The following DNAH8 variants were observed in gnomAD, a reference collection of about 807,000 sequenced individuals.
DNAH8 encodes dynein axonemal heavy chain 8.
In DNAH8, 382 loss-of-function variants were observed where a neutral mutation model predicts 562.1. That is an observed-to-expected ratio of 0.68 (90% CI 0.63 to 0.74). The LOEUF (loss-of-function observed/expected upper bound fraction) is 0.74, where lower values mean the gene tolerates loss of function less well. Among genes scored for constraint, DNAH8 ranks in the 30% least tolerant of loss-of-function variants. DNAH8 has a pLI of 0.00. For missense variants in DNAH8, 5,203 were observed against 5,620.4 expected, an observed-to-expected ratio of 0.93 and a Z score of 2.37; for synonymous variants, 1,881 against 1,919.4, an observed-to-expected ratio of 0.98 and a Z score of 0.52.
Position 38,893,722 on chromosome 6 carries a change from C to G in DNAH8, c.8584-979C>G, listed in dbSNP as rs1157167388. 2.0e-5 allele frequency among the ~76,000 whole-genome samples: 3 copies of G among 152,192 alleles called. No homozygotes were observed. In the East Asian group the frequency reaches 5.8e-4, roughly 29 times the overall value. Reference sequence around the variant, plus strand: ...GTTTTAAATAGCACTGTGAATTAGCCTGTAAAAATTACAAACTCAATAGGG... The same window carrying G: ...GTTTTAAATAGCACTGTGAATTAGCGTGTAAAAATTACAAACTCAATAGGG... On this transcript the variant is annotated intron_variant, in intron 58 of 92. Transcript: ENST00000327475.
chr6:38,832,213 C>T (rs929039327), intron 30 of DNAH8, 109 bp from the exon 31 acceptor site: 6 of 661,270 alleles, frequency 9.1e-6, no homozygotes, highest in African/African-American at 3.7e-5. Context: ...ACAGAGACTT[C>T]CTTGTTCATA....
At chr6:38,826,062 A>G (rs929233166) in intron 28 of DNAH8, 94 bp from the exon 29 acceptor site, 2 of 743,490 alleles carry the variant, frequency 2.7e-6, no homozygotes, top group African/African-American at 3.6e-5. Context: ...ACATGTGGTT[A>G]GTGACTACTG....
chr6:38,976,156 TAA>T (rs1325105200), intron 85 of DNAH8, among the ~76,000 whole-genome samples: 1 of 152,228 alleles, frequency 6.6e-6, no homozygotes, highest in Non-Finnish European at 1.5e-5. Context: ...AACACTTCAC[TAA>T]GAGTCAGGAG....
chr6:38,728,167 C>T (rs1172749656), intron 3 of DNAH8, among the ~76,000 whole-genome samples: 1 of 151,998 alleles, frequency 6.6e-6, no homozygotes, highest in African/African-American at 2.4e-5. Flanking sequence ...GAGATTTCGC[C>T]ATGTTTCTCA....
intron 88 of DNAH8, among the ~76,000 whole-genome samples, chr6:38,992,917 A>G (rs866400225): frequency 2.6e-5 from 4 of 152,144 alleles, no homozygotes; most frequent in African/African-American, 7.2e-5. Context: ...AGATCCAACA[A>G]TTGTTCATGT....
Position 38,828,235 on chromosome 6 carries a change from T to C in DNAH8, c.4135T>C (p.Ser1379Pro). ...RFEVEVTKEE[S>P]EAVDTLRYSF... is the part of the protein sequence containing the mutation. Reference sequence around the variant, plus strand: ...TGAAGTTGAAGTAACCAAAGAAGAATCAGAAGCAGTTGATACCTTAAGATA... The same window carrying C: ...TGAAGTTGAAGTAACCAAAGAAGAACCAGAAGCAGTTGATACCTTAAGATA... Residue 1379 changes from serine to proline, a missense_variant, in exon 30 of 93, where the codon TCA (serine) becomes CCA (proline). Physicochemically the swap from Ser to Pro is moderately conservative, Grantham distance 74 (BLOSUM62 -1). This residue lies in a region of DNAH8 where 2,176 missense variants were observed against 2,365.1 expected (regional missense o/e 0.92). Transcript: ENST00000327475. The C allele has an allele frequency of 1.3e-6, 2 of 1,596,274 alleles. No individual in the cohort carries two copies. The highest frequency in any genetic ancestry group is 1.7e-6 in the Non-Finnish European group (2 of 1,172,970).
chr6:39,023,469 G>A (rs148996452), intron 91 of DNAH8, among the ~76,000 whole-genome samples: 1,796 of 152,154 alleles, frequency 0.012, 31 homozygotes, highest in African/African-American at 0.04. Context: ...CTCCAGCCTG[G>A]GCGACAGAGC....
At chr6:38,888,498 AT>A (rs146603158) in intron 57 of DNAH8, among the ~76,000 whole-genome samples, 1 of 152,312 alleles carries the variant, frequency 6.6e-6, no homozygotes, top group East Asian at 1.9e-4. Flanking sequence ...AACAACAAAA[AT>A]GTCATATTCT....
intron 17 of DNAH8, among the ~76,000 whole-genome samples, chr6:38,786,404 T>C (rs985590819): frequency 2.0e-5 from 3 of 152,184 alleles, no homozygotes; most frequent in African/African-American, 7.2e-5. Flanking sequence ...GCATCTTTTG[T>C]GATTCTAACC....
At chr6:38,917,618 G>A (rs1781408357) in intron 69 of DNAH8, among the ~76,000 whole-genome samples, 1 of 152,210 alleles carries the variant, frequency 6.6e-6, no homozygotes, top group African/African-American at 2.4e-5. Flanking sequence ...CCGGTGGCTA[G>A]TATTGGCACA....
At chr6:38,767,221 G>A (rs982607431) in intron 11 of DNAH8, among the ~76,000 whole-genome samples, 1 of 152,160 alleles carries the variant, frequency 6.6e-6, no homozygotes, top group African/African-American at 2.4e-5. Flanking sequence ...CAGATCACCT[G>A]AGGTTAGGAG....
chr6:38,937,891 GTTTT>G, intron 77 of DNAH8, 79 bp from the exon 78 acceptor site: 1 of 1,203,210 alleles, frequency 8.3e-7, no homozygotes, highest in African/African-American at 1.6e-5. Flanking sequence ...AGCTAACAGC[GTTTT>G]TTTTTTTTCA....
chr6:38,957,866 C>CAAAAAAAAAAA (rs1209427701), intron 82 of DNAH8, among the ~76,000 whole-genome samples: 2 of 75,906 alleles, frequency 2.6e-5, no homozygotes, highest in Non-Finnish European at 4.9e-5. Flanking sequence ...ATGCCTACAC[C>CAAAAAAAAAAA]AAAAAAAAAA....
At chr6:38,990,391 A>G (rs1354272428) in intron 88 of DNAH8, among the ~76,000 whole-genome samples, 2 of 152,174 alleles carry the variant, frequency 1.3e-5, no homozygotes, top group Non-Finnish European at 2.9e-5. Context: ...TGACAACGTT[A>G]AGCTCTAATT....
At position 38,926,177 on chromosome 6, in the gene DNAH8, G is replaced by C. The variant is rs753523056; in HGVS notation, c.11085G>C (p.Trp3695Cys). Reference sequence around the variant, plus strand: ...ACCCACAAACTCAAGGCAAAACTTGGATTAAATCAAAGGAAAAAGAAAATG... The same window carrying C: ...ACCCACAAACTCAAGGCAAAACTTGCATTAAATCAAAGGAAAAAGAAAATG... The part of the protein sequence containing the change: ...LIDPQTQGKT[W>C]IKSKEKENDL... Residue 3695 changes from tryptophan (W) to cysteine (C), a missense_variant, in exon 74 of 93, where the codon TGG becomes TGC. Trp to Cys is a radical substitution (Grantham distance 215). Around this residue, in one of 6 missense-constraint regions of DNAH8, gnomAD observed 1,399 missense variants for 1,518.4 expected, o/e 0.92. Coordinates refer to ENST00000327475, the MANE Select transcript of DNAH8 (RefSeq NM_001206927.2). The C allele has an allele frequency of 6.8e-6, 11 of 1,613,570 alleles. No individual in the cohort carries two copies. Among genetic ancestry groups the C allele is most frequent in the Non-Finnish European group, 8.5e-6 (10 of 1,179,712 alleles).
intron 71 of DNAH8, among the ~76,000 whole-genome samples, chr6:38,922,041 AG>A (rs1781750627): frequency 1.4e-5 from 1 of 70,622 alleles, no homozygotes; most frequent in African/African-American, 3.2e-5. Context: ...CAGTTAAGGC[AG>A]GAACAGGCCA....
chr6:38,971,108 C>A (rs559955180), intron 82 of DNAH8, among the ~76,000 whole-genome samples: 3 of 152,042 alleles, frequency 2.0e-5, no homozygotes, highest in Non-Finnish European at 4.4e-5. Flanking sequence ...CAAAGAAAAC[C>A]AAAACAAGCA....
At position 38,971,607 on chromosome 6, in the gene DNAH8, C is replaced by T; in HGVS notation, c.12467C>T (p.Ser4156Leu). The T allele has an allele frequency of 6.3e-7, 1 of 1,592,582 alleles. No homozygotes were observed. The highest frequency in any genetic ancestry group is 8.5e-7 in the Non-Finnish European group (1 of 1,170,376). Residue 4156 changes from serine to leucine, a missense_variant, in exon 83 of 93, where the codon TCA becomes TTA. Physicochemically the swap from Ser to Leu is moderately radical, Grantham distance 145. Transcript: ENST00000327475. ...TATGTTACAGAATGTAGAACTATCT[C>T]AATGGGGCAAGGACAAGAAGTACAT... is the stretch of plus-strand genomic sequence containing the variant. Reference protein sequence around the residue: ...KKLKLECRTISMGQGQEVHAR... With the variant: ...KKLKLECRTILMGQGQEVHAR...
At chr6:38,838,247 T>C (rs373638473) in intron 33 of DNAH8, among the ~76,000 whole-genome samples, 18 of 152,322 alleles carry the variant, frequency 1.2e-4, no homozygotes, top group African/African-American at 4.3e-4. Context: ...GTAAAAAATA[T>C]GTTGCTAAAA....
Sources: allele counts gnomAD v4.1 joint callset (sites outside exome capture counted in the v4.1 genomes callset), GRCh38; gene constraint gnomAD v4.1.1; regional missense constraint gnomAD v4.1.1; transcripts MANE v1.5; gene names NCBI Gene and HGNC (gene_info 2026-07-23, HGNC 2026-07-21).